The following TMEM164 variants were observed in gnomAD, a reference collection of about 807,000 sequenced individuals.
TMEM164 encodes the protein transmembrane protein 164, also known as RP13-360B22.2.
Under a neutral mutation model 18.8 loss-of-function variants are expected in TMEM164, and 4 were observed. The ratio of observed to expected loss-of-function variants is 0.21; its 90% CI spans 0.10 to 0.49. The LOEUF (loss-of-function observed/expected upper bound fraction) is 0.49, where lower values mean the gene tolerates loss of function less well. Ranked by LOEUF, TMEM164 falls within the 20% of genes least tolerant of loss-of-function variation. TMEM164 has a pLI of 0.98. For missense variants in TMEM164, 108 were observed against 239.9 expected, an observed-to-expected ratio of 0.45 and a Z score of 3.63; for synonymous variants, 86 against 101.7, an observed-to-expected ratio of 0.85 and a Z score of 0.93.
intron 3 of TMEM164, among the ~76,000 whole-genome samples, chrX:110,071,009 TA>T (rs2065579438): frequency 9.0e-6 from 1 of 111,369 alleles, no homozygotes; most frequent in Non-Finnish European, 1.9e-5. Flanking sequence ...CAGAGTTAAA[TA>T]AAAATTGTGC....
At chrX:110,181,915 A>C (rs1229265247), downstream of TMEM164, among the ~76,000 whole-genome samples, 1 of 111,003 alleles carries the variant, frequency 9.0e-6, no homozygotes, top group Non-Finnish European at 1.9e-5. Flanking sequence ...ACTCATACCC[A>C]CTCTGCCTTA....
At chrX:110,076,876 CAT>C (rs1325834993) in intron 3 of TMEM164, among the ~76,000 whole-genome samples, 2 of 111,930 alleles carry the variant, frequency 1.8e-5, no homozygotes, top group Non-Finnish European at 3.8e-5. Flanking sequence ...TATGGCCAAA[CAT>C]ATGTTTGATC....
chrX:110,104,731 A>G (rs1431704736), intron 3 of TMEM164, among the ~76,000 whole-genome samples: 2 of 112,020 alleles, frequency 1.8e-5, no homozygotes, highest in African/African-American at 6.5e-5. Context: ...TACAATATAT[A>G]ATACATATAA....
chrX:110,061,974 G>A (rs981468717), intron 2 of TMEM164, among the ~76,000 whole-genome samples: 5 of 111,631 alleles, frequency 4.5e-5, no homozygotes, highest in Non-Finnish European at 9.4e-5. Flanking sequence ...ATAAAATTAT[G>A]AAAATGTTAA....
chrX:110,173,156 C>G, intron 6 of TMEM164, 89 bp from the exon 7 acceptor site: 1 of 932,040 alleles, frequency 1.1e-6, no homozygotes. Flanking sequence ...CTTGTCTAGT[C>G]CCCCATTAGG....
chrX:110,017,446 C>CTT (rs1307149121), intron 2 of TMEM164, among the ~76,000 whole-genome samples: 1,008 of 78,962 alleles, frequency 0.013, 45 homozygotes, highest in African/African-American at 0.049. Context: ...TTCTTTCTTT[C>CTT]TCTCTCTCTC....
intron 3 of TMEM164, among the ~76,000 whole-genome samples, chrX:110,068,840 C>T (rs1408644505): frequency 9.0e-6 from 1 of 111,387 alleles, no homozygotes; most frequent in Admixed American, 9.6e-5. Context: ...CACATGCATA[C>T]ACACATACAC....
intron 4 of TMEM164, among the ~76,000 whole-genome samples, chrX:110,120,219 G>A (rs1569337770): frequency 8.9e-6 from 1 of 112,201 alleles, no homozygotes; most frequent in African/African-American, 3.2e-5. Context: ...GTTTGCCTTG[G>A]CCCTTGTTTG....
At chrX:110,030,834 AAAAAG>A (rs1934467664) in intron 2 of TMEM164, among the ~76,000 whole-genome samples, 2 of 110,098 alleles carry the variant, frequency 1.8e-5, no homozygotes, top group Non-Finnish European at 3.8e-5. Flanking sequence ...AAGAAAAAGA[AAAAAG>A]AAAAGGTAGT....
intron 2 of TMEM164, among the ~76,000 whole-genome samples, chrX:110,037,984 ATT>A (rs1036705725): frequency 2.5e-3 from 179 of 72,665 alleles, no homozygotes; most frequent in African/African-American, 0.01. Flanking sequence ...CTTTGGACTC[ATT>A]TTTTTTTTTT....
chrX:110,091,426 T>C (rs1658953056), intron 3 of TMEM164, among the ~76,000 whole-genome samples: 1 of 112,275 alleles, frequency 8.9e-6, no homozygotes, highest in African/African-American at 3.2e-5. Context: ...GGTATCTCAC[T>C]GTGGTTTTGA....
rs2067292040 is a variant in TMEM164, at chrX:110,176,527, G to A, written c.*3076G>A. 2.5e-5 allele frequency: 13 copies of A among 520,660 alleles called. No homozygotes were observed. Among genetic ancestry groups the A allele is most frequent in the Middle Eastern group, 1.0e-3 (1 of 995 alleles). 42.9% of individuals were successfully genotyped at this position (520,660 alleles called of 1,213,427 possible). A position where few individuals can be genotyped will look rare whatever the true frequency, so the allele number is the denominator to read the frequency against. On this transcript the variant is annotated 3_prime_UTR_variant, in exon 7 of 7. Coordinates refer to ENST00000372068, the MANE Select transcript of TMEM164 (RefSeq NM_032227.4). ...GGTCGCCGGGCTAACCAGGGTGATC[G>A]GCGAACTTTACCGTACAGTACCTCA...
intron 5 of TMEM164, among the ~76,000 whole-genome samples, chrX:110,149,726 A>G (rs1463636612): frequency 8.9e-6 from 1 of 111,827 alleles, no homozygotes; most frequent in East Asian, 2.8e-4. Context: ...AGTCACATTC[A>G]TATAGTTTAC....
chrX:110,108,690 A>G (rs372829233), intron 3 of TMEM164, among the ~76,000 whole-genome samples: 2 of 112,179 alleles, frequency 1.8e-5, no homozygotes, highest in African/African-American at 6.5e-5. Context: ...TATAATAAAT[A>G]GGTTTCTACT....
intron 4 of TMEM164, among the ~76,000 whole-genome samples, chrX:110,139,715 G>A (rs1191472632): frequency 9.0e-6 from 1 of 111,559 alleles, no homozygotes; most frequent in South Asian, 3.8e-4. Flanking sequence ...AGTGTGTCAG[G>A]AGAGTTGGGA....
chrX:110,096,973 G>T (rs2066031697), intron 3 of TMEM164, among the ~76,000 whole-genome samples: 1 of 111,895 alleles, frequency 8.9e-6, no homozygotes, highest in South Asian at 3.7e-4. Flanking sequence ...CAGAAAGTCA[G>T]TGCAGAAGGA....
intron 2 of TMEM164, among the ~76,000 whole-genome samples, chrX:110,049,733 AC>A (rs1935468402): frequency 9.0e-6 from 1 of 111,267 alleles, no homozygotes; most frequent in South Asian, 3.8e-4. Context: ...ATATCTGTAG[AC>A]CCCTGGAGAA....
chrX:110,041,451 A>T (rs1340511378), intron 2 of TMEM164, among the ~76,000 whole-genome samples: 1 of 111,715 alleles, frequency 9.0e-6, no homozygotes, highest in African/African-American at 3.3e-5. Context: ...AGTAGGACTC[A>T]GCTTACCTTC....
At chrX:110,178,054 C>T (rs184115756), downstream of TMEM164, among the ~76,000 whole-genome samples, 1 of 112,258 alleles carries the variant, frequency 8.9e-6, no homozygotes, top group Admixed American at 9.4e-5. Context: ...TCTCTGGTAC[C>T]CAAAGTGCAT....
Sources: gnomAD v4.1 joint callset for allele counts (sites outside exome capture counted in the v4.1 genomes callset) on GRCh38, gnomAD v4.1.1 for gene constraint, MANE v1.5 for transcripts, NCBI Gene and HGNC (gene_info 2026-07-23, HGNC 2026-07-21) for gene names.